ADGRV1: variants seen among roughly 807,000 people sequenced by gnomAD.
ADGRV1 encodes the protein G-protein coupled receptor 98.
In ADGRV1, 359 loss-of-function variants were observed where a neutral mutation model predicts 596.2. That is an observed-to-expected ratio of 0.60 (90% CI 0.55 to 0.66). ADGRV1 has a LOEUF of 0.66. Ranked by LOEUF, ADGRV1 falls within the 30% of genes least tolerant of loss-of-function variation. The pLI is 0.00. For synonymous variants in ADGRV1, 2,681 were observed against 2,679.2 expected, an observed-to-expected ratio of 1.00 and a Z score of -0.02; for missense variants, 7,274 against 7,575.6, an observed-to-expected ratio of 0.96 and a Z score of 1.48.
At chr5:90,948,328 A>T (rs776209496) in intron 83 of ADGRV1, among the ~76,000 whole-genome samples, 1 of 152,042 alleles carries the variant, frequency 6.6e-6, no homozygotes, top group Non-Finnish European at 1.5e-5. Context: ...TGCGAGTAGG[A>T]TGAGGACTAA....
At chr5:90,803,509 C>T (rs1470409853) in intron 71 of ADGRV1, among the ~76,000 whole-genome samples, 1 of 152,124 alleles carries the variant, frequency 6.6e-6, no homozygotes, top group Non-Finnish European at 1.5e-5. Context: ...TATCCTACTC[C>T]TTCAGGTGGG....
chr5:90,895,112 T>C (rs1228977481), intron 83 of ADGRV1, among the ~76,000 whole-genome samples: 1 of 151,954 alleles, frequency 6.6e-6, no homozygotes, highest in Non-Finnish European at 1.5e-5. Context: ...TTATTTTTTA[T>C]TTTTGTAGAG....
At chr5:90,922,190 C>T (rs896381789) in intron 83 of ADGRV1, among the ~76,000 whole-genome samples, 3 of 152,176 alleles carry the variant, frequency 2.0e-5, no homozygotes, top group African/African-American at 7.2e-5. Context: ...GTGTCAACAT[C>T]GCTTGCTTAA....
intron 85 of ADGRV1, among the ~76,000 whole-genome samples, chr5:91,026,824 C>G (rs2151208794): frequency 6.6e-6 from 1 of 152,098 alleles, no homozygotes; most frequent in East Asian, 1.9e-4. Flanking sequence ...GGATCCGAGA[C>G]CCACAGAACC....
chr5:90,806,387 G>GTC (rs1411435071), intron 72 of ADGRV1, among the ~76,000 whole-genome samples: 2 of 152,126 alleles, frequency 1.3e-5, no homozygotes, highest in East Asian at 3.9e-4. Flanking sequence ...CTCAGACATT[G>GTC]TCTCCTCTTG....
chr5:90,900,645 G>A (rs1017807372), intron 83 of ADGRV1, among the ~76,000 whole-genome samples: 2 of 152,076 alleles, frequency 1.3e-5, no homozygotes, highest in African/African-American at 4.8e-5. Flanking sequence ...CTATATGCTT[G>A]TGCTAAGGAG....
chr5:91,037,511 G>T (rs1308084334), intron 85 of ADGRV1, among the ~76,000 whole-genome samples: 1 of 152,144 alleles, frequency 6.6e-6, no homozygotes, highest in Non-Finnish European at 1.5e-5. Context: ...TAGTTATGTG[G>T]ATGGAAAGAT....
chr5:90,745,101 G>C lies in ADGRV1; in HGVS notation c.10605G>C (p.Glu3535Asp). ...DMSALYCWNSERNQFSFVLEV... is the reference protein window; with the variant it reads ...DMSALYCWNSDRNQFSFVLEV... ...CTGCTCTTTACTGCTGGAATTCGGA[G>C]CGTAATCAATTCTCTTTTGTTCTGG... is the stretch of plus-strand genomic sequence containing the variant. Residue 3535 changes from glutamate (E) to aspartate (D), a missense_variant, in exon 51 of 90, where the codon GAG (glutamate) becomes GAC (aspartate). This residue lies in a region of ADGRV1 where 3,643 missense variants were observed against 3,809.2 expected (regional missense o/e 0.96). Transcript: ENST00000405460. 1 of 1,613,758 alleles carries C rather than the reference G, an allele frequency of 6.2e-7. No homozygotes were observed. The highest frequency in any genetic ancestry group is 8.5e-7 in the Non-Finnish European group (1 of 1,179,794).
At chr5:90,878,815 A>G (rs1013290920) in intron 83 of ADGRV1, among the ~76,000 whole-genome samples, 3 of 152,178 alleles carry the variant, frequency 2.0e-5, no homozygotes, top group Non-Finnish European at 4.4e-5. Flanking sequence ...TGTAGGTGTC[A>G]CACATTATTT....
At chr5:91,017,011 C>T (rs1783226854) in intron 85 of ADGRV1, among the ~76,000 whole-genome samples, 1 of 151,880 alleles carries the variant, frequency 6.6e-6, no homozygotes, top group Non-Finnish European at 1.5e-5. Flanking sequence ...AATGGGAGAA[C>T]CGTTTATGAA....
In ADGRV1 at chr5:90,753,815, T is replaced by C; in HGVS notation, c.11363T>C (p.Val3788Ala). The change falls in exon 54 of 90, where the codon GTA (valine) becomes GCA (alanine). Residue 3788 changes from valine to alanine, a missense_variant. Val to Ala is a moderately conservative substitution (Grantham distance 64). Transcript: ENST00000405460. ...GWRAASVFIR[V>A]AEPKENTTTL... ...CGTGCTGCGTCTGTCTTCATTAGAG[T>C]AGCAGAGCCTAAAGGTAAATATTGT... 6.2e-7 allele frequency: 1 copy of C among 1,606,116 alleles called. No individual in the cohort carries two copies.
intron 48 of ADGRV1, 53 bp downstream of exon 48, chr5:90,725,709 T>C: frequency 2.0e-6 from 2 of 982,242 alleles, no homozygotes; most frequent in Non-Finnish European, 3.2e-6. Flanking sequence ...TTTTTAACAT[T>C]ATAATTGAAA....
intron 42 of ADGRV1, 39 bp from the exon 43 acceptor site, chr5:90,716,428 C>A: frequency 6.8e-7 from 1 of 1,467,170 alleles, no homozygotes. Context: ...ATAACCTCTT[C>A]TATTTTCATT....
chr5:90,956,352 A>G (rs1397122493), intron 83 of ADGRV1, among the ~76,000 whole-genome samples: 3 of 152,206 alleles, frequency 2.0e-5, no homozygotes, highest in Non-Finnish European at 2.9e-5. Flanking sequence ...TAATTGTTCA[A>G]CAACAATAAT....
intron 59 of ADGRV1, among the ~76,000 whole-genome samples, chr5:90,764,703 A>G (rs1252659065): frequency 6.6e-6 from 1 of 152,092 alleles, no homozygotes; most frequent in Non-Finnish European, 1.5e-5. Context: ...CCTGTCCCCC[A>G]TGCTTCCCAA....
intron 48 of ADGRV1, among the ~76,000 whole-genome samples, chr5:90,728,106 C>T (rs1752040927): frequency 6.6e-6 from 1 of 152,144 alleles, no homozygotes; most frequent in Non-Finnish European, 1.5e-5. Flanking sequence ...TAATTGTTGA[C>T]TGAATAAGTA....
chr5:90,637,462 A>C (rs576986847), intron 10 of ADGRV1, among the ~76,000 whole-genome samples: 1 of 136,602 alleles, frequency 7.3e-6, no homozygotes, highest in Admixed American at 8.6e-5. Context: ...ATTAAGGCAA[A>C]CCCAGATTAG....
intron 52 of ADGRV1, among the ~76,000 whole-genome samples, chr5:90,749,141 T>C (rs1754973528): frequency 6.6e-6 from 1 of 152,228 alleles, no homozygotes; most frequent in South Asian, 2.1e-4. Context: ...TTTATGAAGC[T>C]TGTTCCAAAA....
chr5:91,042,536 C>A (rs938245876), intron 85 of ADGRV1, among the ~76,000 whole-genome samples: 4 of 152,042 alleles, frequency 2.6e-5, no homozygotes, highest in Non-Finnish European at 5.9e-5. Context: ...ACAAGTCTCT[C>A]TCTTTTTTTT....
Sources: allele counts gnomAD v4.1 joint callset (sites outside exome capture counted in the v4.1 genomes callset), GRCh38; gene constraint gnomAD v4.1.1; regional missense constraint gnomAD v4.1.1; transcripts MANE v1.5; gene names NCBI Gene and HGNC (gene_info 2026-07-23, HGNC 2026-07-21).